ATP7B: variants seen among roughly 807,000 people sequenced by gnomAD.
ATP7B encodes copper-transporting ATPase 2.
ATP7B carries 113 observed loss-of-function variants against 118.9 expected under a neutral mutation model. That is an observed-to-expected ratio of 0.95 (90% CI 0.82 to 1.11). The LOEUF is 1.11. Among genes scored for constraint, ATP7B ranks in the 50% most tolerant of loss-of-function variants. The pLI is 0.00. For missense variants in ATP7B, 1,867 were observed against 1,871.4 expected (o/e 1.00, Z 0.04); for synonymous variants, 777 against 727.4 (o/e 1.07, Z -1.10).
intron 1 of ATP7B, among the ~76,000 whole-genome samples, chr13:51,991,791 G>A (rs1396584396): frequency 6.6e-6 from 1 of 152,116 alleles, no homozygotes; most frequent in East Asian, 1.9e-4. Context: ...CTGGGCCAAA[G>A]CACGGAGCCC....
chr13:51,951,606 T>G lies in ATP7B; in HGVS notation c.2448-1207A>C, dbSNP rs1483282798. ...GACGGAGAAAACACAGAAGGGGTCCTAGAACTCATCCCTGAGACACTCCAC... is the reference window on the plus strand; with the variant it reads ...GACGGAGAAAACACAGAAGGGGTCCGAGAACTCATCCCTGAGACACTCCAC... On this transcript the variant is annotated intron_variant, in intron 9 of 20. Coordinates refer to ENST00000242839, the MANE Select transcript of ATP7B (RefSeq NM_000053.4). Among the ~76,000 whole-genome samples the G allele has an allele frequency of 2.6e-5, 4 of 152,108 alleles. No homozygotes were observed. In the South Asian group the frequency reaches 8.3e-4, roughly 32 times the overall value.
Position 51,958,364 on chromosome 13 carries a change from GGGGCGTGTCGAAGAATGTCACA to G in ATP7B, c.2280_2301del (p.Val761ProfsTer39), listed in dbSNP as rs1958493213. The G allele has an allele frequency of 4.3e-6, 7 of 1,614,218 alleles. No individual in the cohort carries two copies. The highest frequency in any genetic ancestry group is 5.9e-6 in the Non-Finnish European group (7 of 1,180,038). On this transcript the variant is annotated frameshift_variant, in exon 8 of 21. Coordinates refer to ENST00000242839, the MANE Select transcript of ATP7B (RefSeq NM_000053.4). LOFTEE classifies it high-confidence loss of function. ...AGGGCAATGAACACAAAGAGCATGG[GGGGCGTGTCGAAGAATGTCACA>G]GGGCTCCTCTCCGCCTTCTCAGCCA... is the stretch of plus-strand genomic sequence containing the variant.
At chr13:51,961,484 T>TCTCC (rs1958739526) in intron 6 of ATP7B, among the ~76,000 whole-genome samples, 1 of 152,126 alleles carries the variant, frequency 6.6e-6, no homozygotes, top group Non-Finnish European at 1.5e-5. Context: ...ATCTACACTC[T>TCTCC]CTCCCTCCCT....
chr13:51,996,182 T>C lies in ATP7B; in HGVS notation c.51+15105A>G, dbSNP rs141634297. On this transcript the variant is annotated intron_variant, in intron 1 of 20. Transcript: ENST00000242839. ...TGTTTCCTGTAGCTTTGTTTTCCCT[T>C]GGACCAAAGGCTTGACTTCAGTAAG... 2.4e-3 allele frequency among the ~76,000 whole-genome samples: 362 copies of C among 152,282 alleles called. 5 individuals are homozygous for C. Among genetic ancestry groups the C allele is most frequent in the East Asian group, 0.022 (112 of 5,192 alleles).
At chr13:51,958,750 G>A (rs775234646) in intron 7 of ATP7B, 95 of 605,438 alleles carry the variant, frequency 1.6e-4, no homozygotes, top group Non-Finnish European at 2.6e-4. Context: ...AAGAGCATGT[G>A]AGACCTTTAA....
chr13:51,946,216 C>T, intron 13 of ATP7B, 68 bp downstream of exon 13: 3 of 1,529,048 alleles, frequency 2.0e-6, no homozygotes, highest in Non-Finnish European at 2.6e-6. Context: ...GCTTTTCTCT[C>T]AATGTGAAAT....
chr13:51,961,371 C>T (rs371844773), intron 6 of ATP7B, among the ~76,000 whole-genome samples: 9 of 152,072 alleles, frequency 5.9e-5, no homozygotes, highest in South Asian at 2.1e-4. Flanking sequence ...AGGTCTCCCG[C>T]GCCTGGGCCA....
intron 4 of ATP7B, among the ~76,000 whole-genome samples, chr13:51,965,788 TAA>T (rs1951519185): frequency 6.6e-6 from 1 of 152,210 alleles, no homozygotes. Context: ...AGCAGCCAGC[TAA>T]AGTGTTGCTA....
chr13:52,008,648 G>A (rs568415257), intron 1 of ATP7B, among the ~76,000 whole-genome samples: 1 of 152,270 alleles, frequency 6.6e-6, no homozygotes, highest in Admixed American at 6.5e-5. Context: ...TCTATGTCAG[G>A]AACTTGGGAC....
intron 1 of ATP7B, among the ~76,000 whole-genome samples, chr13:51,983,238 T>A (rs889575869): frequency 2.6e-5 from 4 of 152,254 alleles, no homozygotes; most frequent in South Asian, 2.1e-4. Flanking sequence ...GGGAGGGGCA[T>A]CCACCATTAC....
rs1593637201 is a variant in ATP7B at position 51,935,598 on chromosome 13, G to C, written c.4119C>G (p.Leu1373=). 1.9e-6 allele frequency: 3 copies of C among 1,613,114 alleles called. No individual in the cohort carries two copies. Among genetic ancestry groups the C allele is most frequent in the African/African-American group, 2.7e-5 (2 of 74,938 alleles). ...CTCCACCTGAGGGGACTCACCACTT[G>C]AGCTGCAGGGATGAGAGCACCACAG... The part of the protein sequence containing the change: ...SVSVVLSSLQ[L]KCYKKPDLER... Residue 1373 remains leucine (L), a synonymous_variant, in exon 20 of 21, where the codon CTC becomes CTG. Transcript: ENST00000242839.
chr13:52,007,052 A>G (rs1226606390), intron 1 of ATP7B, among the ~76,000 whole-genome samples: 1 of 152,168 alleles, frequency 6.6e-6, no homozygotes, highest in Non-Finnish European at 1.5e-5. Context: ...CTGAATGACC[A>G]GGTCACTGCT....
At chr13:51,948,629 G>C (rs976760792) in intron 12 of ATP7B, among the ~76,000 whole-genome samples, 1 of 152,168 alleles carries the variant, frequency 6.6e-6, no homozygotes, top group South Asian at 2.1e-4. Context: ...GTGCCTTGCA[G>C]GATGTTTAGC....
At chr13:52,011,555 G>T, upstream of ATP7B, 1 of 641,854 alleles carries the variant, frequency 1.6e-6, no homozygotes. Flanking sequence ...ATTCAAAGTT[G>T]CGCGCCGCCG....
chr13:51,970,162 G>C (rs1951769234), intron 3 of ATP7B, among the ~76,000 whole-genome samples: 1 of 152,148 alleles, frequency 6.6e-6, no homozygotes, highest in Non-Finnish European at 1.5e-5. Context: ...TCATTTTATA[G>C]TAAGGGGTTG....
Position 51,968,482 on chromosome 13 carries a change from C to T in ATP7B, c.1669G>A (p.Glu557Lys), listed in dbSNP as rs1258692994. The change falls in exon 4 of 21, where the codon GAG (glutamate) becomes AAG (lysine). Residue 557 changes from glutamate to lysine, a missense_variant. Glu to Lys is a moderately conservative substitution (Grantham distance 56). Coordinates refer to ENST00000242839, the MANE Select transcript of ATP7B (RefSeq NM_000053.4). ...QDLGFEAAVM[E>K]DYAGSDGNIE... is the part of the protein sequence containing the mutation. ...TTGCCATCGGAGCCTGCGTAGTCCT[C>T]CATGACTGCTGCCTCAAAACCCAGG... is the stretch of plus-strand genomic sequence containing the variant. 2 of 1,614,108 alleles carry T rather than the reference C, an allele frequency of 1.2e-6. No homozygotes were observed. The highest frequency in any genetic ancestry group is 1.3e-5 in the African/African-American group (1 of 74,926).
intron 14 of ATP7B, among the ~76,000 whole-genome samples, chr13:51,943,905 A>C (rs1957489458): frequency 6.6e-6 from 1 of 151,908 alleles, no homozygotes; most frequent in African/African-American, 2.4e-5. Context: ...AATGCCTGTG[A>C]CACTGAACTC....
intron 14 of ATP7B, among the ~76,000 whole-genome samples, chr13:51,943,654 T>C (rs1024236990): frequency 6.6e-6 from 1 of 152,196 alleles, no homozygotes; most frequent in Non-Finnish European, 1.5e-5. Context: ...GCCAGGAACC[T>C]GCTGGGCACT....
rs55977055 is a variant in ATP7B at position 51,943,532 on chromosome 13, T to C, written c.3243+577A>G. Among the ~76,000 whole-genome samples the C allele has an allele frequency of 4.0e-3, 602 of 152,320 alleles. 3 individuals are homozygous for C. Among genetic ancestry groups the C allele is most frequent in the African/African-American group, 0.014 (583 of 41,558 alleles). The stretch of plus-strand genomic sequence containing the variant: ...GGCTGTTTAAAAGTTGTCAGGGCAA[T>C]ATTCTGTGTGACGCGTTCTGCTGCC... On this transcript the variant is annotated intron_variant, in intron 14 of 20. Coordinates refer to ENST00000242839, the MANE Select transcript of ATP7B (RefSeq NM_000053.4).
Sources: allele counts gnomAD v4.1 joint callset (sites outside exome capture counted in the v4.1 genomes callset), GRCh38; gene constraint gnomAD v4.1.1; transcripts MANE v1.5; gene names NCBI Gene and HGNC (gene_info 2026-07-23, HGNC 2026-07-21).